The following RBM20 variants were observed in gnomAD, a reference collection of about 807,000 sequenced individuals.
RBM20 encodes the protein RNA-binding protein 20.
Under a neutral mutation model 110.1 loss-of-function variants are expected in RBM20, and 51 were observed. The ratio of observed to expected loss-of-function variants is 0.46; its 90% confidence interval spans 0.37 to 0.59. The LOEUF is 0.59. Among genes scored for constraint, RBM20 ranks in the 20% least tolerant of loss-of-function variants. The probability of loss-of-function intolerance (pLI) is 0.00; values close to 1 mark genes in which losing one functional copy is unlikely to be tolerated. For missense variants in RBM20, 1,512 were observed against 1,574.9 expected, an observed-to-expected ratio of 0.96 and a Z score of 0.68; for synonymous variants, 589 against 618.2, an observed-to-expected ratio of 0.95 and a Z score of 0.70.
chr10:110,795,112 C>T (rs910907720), intron 5 of RBM20, among the ~76,000 whole-genome samples: 6 of 152,210 alleles, frequency 3.9e-5, no homozygotes, highest in African/African-American at 1.2e-4. Context: ...GCTAAGAGAC[C>T]AGGCAGAGCA....
At chr10:110,652,355 G>C (rs2134807527) in intron 1 of RBM20, among the ~76,000 whole-genome samples, 1 of 152,312 alleles carries the variant, frequency 6.6e-6, no homozygotes, top group East Asian at 1.9e-4. Context: ...GGGGCAATTA[G>C]ACTGGTTTGT....
intron 1 of RBM20, among the ~76,000 whole-genome samples, chr10:110,698,923 G>A (rs2134889434): frequency 6.6e-6 from 1 of 152,298 alleles, no homozygotes; most frequent in East Asian, 1.9e-4. Flanking sequence ...TAACTTAAGG[G>A]CACTTGGCAA....
At chr10:110,718,608 C>CTTTTTTTTTT (rs61629487) in intron 1 of RBM20, among the ~76,000 whole-genome samples, 18 of 101,548 alleles carry the variant, frequency 1.8e-4, no homozygotes, top group South Asian at 3.4e-4. Flanking sequence ...CTACTCCATT[C>CTTTTTTTTTT]TTTTTTTTTT....
chr10:110,802,175 T>C (rs1430520419), intron 7 of RBM20, among the ~76,000 whole-genome samples: 2 of 152,216 alleles, frequency 1.3e-5, no homozygotes, highest in African/African-American at 4.8e-5. Context: ...CCATTTTGTC[T>C]AAGACCCACA....
At chr10:110,667,672 G>A (rs1862198053) in intron 1 of RBM20, among the ~76,000 whole-genome samples, 1 of 152,080 alleles carries the variant, frequency 6.6e-6, no homozygotes, top group African/African-American at 2.4e-5. Context: ...TAACACACAG[G>A]GCTTCATCCT....
chr10:110,679,030 C>G (rs1862382394), intron 1 of RBM20, among the ~76,000 whole-genome samples: 1 of 152,132 alleles, frequency 6.6e-6, no homozygotes, highest in African/African-American at 2.4e-5. Context: ...CCATGGAGAC[C>G]TGGGCAGGAA....
At chr10:110,733,156 G>C (rs1478834051) in intron 1 of RBM20, among the ~76,000 whole-genome samples, 1 of 152,176 alleles carries the variant, frequency 6.6e-6, no homozygotes. Flanking sequence ...GACAAACAAT[G>C]CCCTTTCAGA....
intron 5 of RBM20, among the ~76,000 whole-genome samples, chr10:110,792,176 TA>T (rs1844492946): frequency 6.6e-6 from 1 of 152,000 alleles, no homozygotes; most frequent in Non-Finnish European, 1.5e-5. Context: ...TCTATCTATC[TA>T]TCTATCTATC....
chr10:110,652,448 A>C (rs970164422), intron 1 of RBM20, among the ~76,000 whole-genome samples: 10 of 152,234 alleles, frequency 6.6e-5, no homozygotes, highest in Admixed American at 5.2e-4. Flanking sequence ...GAAAACAATA[A>C]AACTATTTTT....
chr10:110,683,494 A>G (rs1253266184), intron 1 of RBM20, among the ~76,000 whole-genome samples: 1 of 152,204 alleles, frequency 6.6e-6, no homozygotes, highest in Non-Finnish European at 1.5e-5. Flanking sequence ...TCCAGTTATT[A>G]TCTCTCCCTA....
chr10:110,794,076 C>T (rs867951121), intron 5 of RBM20, among the ~76,000 whole-genome samples: 6 of 152,150 alleles, frequency 3.9e-5, no homozygotes, highest in African/African-American at 1.2e-4. Flanking sequence ...GACCTCACTC[C>T]GCCTGTTTCC....
At chr10:110,835,705 GTTCTGT>G in intron 13 of RBM20, 157 bp from the exon 14 acceptor site, 1 of 573,546 alleles carries the variant, frequency 1.7e-6, no homozygotes, top group Non-Finnish European at 3.0e-6. Context: ...CTTAGCATAA[GTTCTGT>G]AGCCCCAGTG....
At chr10:110,834,130 G>A (rs542391925) in intron 13 of RBM20, among the ~76,000 whole-genome samples, 14 of 152,316 alleles carry the variant, frequency 9.2e-5, no homozygotes, top group African/African-American at 3.1e-4. Flanking sequence ...AACAGGTGGA[G>A]TCAGCGCTCG....
intron 1 of RBM20, among the ~76,000 whole-genome samples, chr10:110,692,918 A>G (rs1166083422): frequency 6.6e-6 from 1 of 152,074 alleles, no homozygotes; most frequent in African/African-American, 2.4e-5. Flanking sequence ...AACCTTTATC[A>G]TGCTGAGGAA....
chr10:110,687,570 C>A (rs1862523301), intron 1 of RBM20, among the ~76,000 whole-genome samples: 1 of 152,204 alleles, frequency 6.6e-6, no homozygotes, highest in African/African-American at 2.4e-5. Context: ...CAAGTTTTCC[C>A]AGTTAATTAG....
intron 1 of RBM20, among the ~76,000 whole-genome samples, chr10:110,699,027 T>C (rs1468014244): frequency 1.3e-5 from 2 of 152,190 alleles, no homozygotes. Context: ...CATGATAGAA[T>C]GTCAGGACCT....
intron 12 of RBM20, among the ~76,000 whole-genome samples, chr10:110,826,334 C>T (rs1476030832): frequency 6.6e-6 from 1 of 152,182 alleles, no homozygotes; most frequent in Non-Finnish European, 1.5e-5. Context: ...GTGAGACCAT[C>T]ACCACAATCA....
intron 1 of RBM20, among the ~76,000 whole-genome samples, chr10:110,767,104 A>G (rs377677310): frequency 0.26 from 24,066 of 91,436 alleles, 4,065 homozygotes; most frequent in South Asian, 0.36. Flanking sequence ...TCCCTCCCGG[A>G]CGGGGCGGCT....
At chr10:110,713,265 G>C (rs940514388) in intron 1 of RBM20, among the ~76,000 whole-genome samples, 1 of 152,232 alleles carries the variant, frequency 6.6e-6, no homozygotes, top group African/African-American at 2.4e-5. Flanking sequence ...CAGATCTGCT[G>C]TGTGGTCCTA....
Sources: gnomAD v4.1 joint callset for allele counts (sites outside exome capture counted in the v4.1 genomes callset) on GRCh38, gnomAD v4.1.1 for gene constraint, MANE v1.5 for transcripts, NCBI Gene and HGNC (gene_info 2026-07-23, HGNC 2026-07-21) for gene names.